MTIF2: variants seen among roughly 807,000 people sequenced by gnomAD.
MTIF2 encodes the protein translation initiation factor IF-2, mitochondrial.
Under a neutral mutation model 83.5 loss-of-function variants are expected in MTIF2, and 71 were observed. The ratio of observed to expected loss-of-function variants is 0.85; its 90% CI spans 0.70 to 1.04. The LOEUF is 1.04. Ranked by LOEUF, MTIF2 falls within the 50% of genes least tolerant of loss-of-function variation. MTIF2 has a pLI of 0.00. For missense variants in MTIF2, 957 were observed against 846.5 expected (o/e 1.13, Z -1.62); for synonymous variants, 319 against 287.1 (o/e 1.11, Z -1.12).
At chr2:55,259,752 C>T (rs1466115616) in intron 5 of MTIF2, among the ~76,000 whole-genome samples, 1 of 152,042 alleles carries the variant, frequency 6.6e-6, no homozygotes, top group Admixed American at 6.6e-5. Flanking sequence ...AAGACCAGCC[C>T]GGCCCACATA....
At position 55,237,371 on chromosome 2, in the gene MTIF2, A is replaced by G; in HGVS notation, c.1928T>C (p.Val643Ala). The change falls in exon 15 of 16, where the codon GTG becomes GCG. Residue 643 changes from valine to alanine, a missense_variant. Physicochemically the swap from Val to Ala is moderately conservative, Grantham distance 64. This residue lies in a region of MTIF2 where 221 missense variants were observed against 180.6 expected (regional missense o/e 1.22). Coordinates refer to ENST00000263629, the MANE Select transcript of MTIF2 (RefSeq NM_002453.3). The part of the protein sequence containing the change: ...SVTEGKKKVP[V>A]AGCRVQKGQL... ...TCCCTTTTGGACTCTGCAGCCAGCCACAGGAACTTTTTTCTTCCCTTCTGT... is the reference window on the plus strand; with the variant it reads ...TCCCTTTTGGACTCTGCAGCCAGCCGCAGGAACTTTTTTCTTCCCTTCTGT... 3 of 1,613,016 alleles carry G rather than the reference A, an allele frequency of 1.9e-6. No individual in the cohort carries two copies. The highest frequency in any genetic ancestry group is 2.5e-6 in the Non-Finnish European group (3 of 1,179,928).
chr2:55,237,586 T>C (rs1675954597), intron 14 of MTIF2, among the ~76,000 whole-genome samples, 158 bp from the exon 15 acceptor site: 1 of 152,034 alleles, frequency 6.6e-6, no homozygotes, highest in African/African-American at 2.4e-5. Context: ...TTTATTTTCC[T>C]GACCAATATT....
intron 8 of MTIF2, among the ~76,000 whole-genome samples, chr2:55,251,097 C>A (rs1255873859): frequency 9.1e-4 from 71 of 77,780 alleles, no homozygotes; most frequent in African/African-American, 3.9e-3. Flanking sequence ...GCAATAAGAG[C>A]AAAACTCCGT....
At position 55,243,548 on chromosome 2, in the gene MTIF2, G is replaced by C. The variant is rs778608709; in HGVS notation, c.1432C>G (p.Arg478Gly). 9.3e-6 allele frequency: 15 copies of C among 1,613,862 alleles called. No homozygotes were observed. The highest frequency in any genetic ancestry group is 1.7e-5 in the Admixed American group (1 of 59,966). Residue 478 changes from arginine (R) to glycine (G), a missense_variant, in exon 12 of 16, where the codon CGT becomes GGT. Coordinates refer to ENST00000263629, the MANE Select transcript of MTIF2 (RefSeq NM_002453.3). Reference sequence around the variant, plus strand: ...CACAGTAGATGGCCATACTTCTCACGGGCTTTCTGATGTGCTTCTTTGTGT... The same window carrying C: ...CACAGTAGATGGCCATACTTCTCACCGGCTTTCTGATGTGCTTCTTTGTGT... ...KEHKEAHQKA[R>G]EKYGHLLWKK...
intron 14 of MTIF2, among the ~76,000 whole-genome samples, chr2:55,238,482 C>G (rs979887172): frequency 8.6e-5 from 13 of 150,542 alleles, no homozygotes; most frequent in Non-Finnish European, 1.6e-4. Context: ...AACTCCGCCT[C>G]CTGGGTTCAA....
intron 3 of MTIF2, among the ~76,000 whole-genome samples, chr2:55,265,297 C>G (rs968009829): frequency 2.0e-5 from 3 of 149,948 alleles, no homozygotes; most frequent in South Asian, 2.1e-4. Flanking sequence ...GAAACATTTC[C>G]TAAGTACCAT....
intron 14 of MTIF2, among the ~76,000 whole-genome samples, chr2:55,238,843 A>C (rs1323940571): frequency 6.6e-6 from 1 of 152,102 alleles, no homozygotes; most frequent in African/African-American, 2.4e-5. Context: ...AACCCTCATG[A>C]CTCAGTTTTC....
Position 55,236,763 on chromosome 2 carries a change from A to C in MTIF2, c.2069T>G (p.Met690Arg). Residue 690 changes from methionine (M) to arginine (R), a missense_variant, in exon 16 of 16, where the codon ATG becomes AGG. Coordinates refer to ENST00000263629, the MANE Select transcript of MTIF2 (RefSeq NM_002453.3). ...KDDISIVKTG[M>R]DCGLSLDEDN... ...TTCATCTAAACTGAGACCACAATCC[A>C]TTCCCGTTTTGACAATTGAAATGTC... 1 of 1,611,098 alleles carries C rather than the reference A, an allele frequency of 6.2e-7. No homozygotes were observed. The highest frequency in any genetic ancestry group is 1.3e-5 in the African/African-American group (1 of 74,944).
In MTIF2 at chr2:55,251,127, A is replaced by G. The variant is rs892799390; in HGVS notation, c.841+1350T>C. ...CTCCGTCTCAAAAAAAAAAAAAAAA[A>G]AAAAAGAAAAGGAAAAAGTACATTC... On this transcript the variant is annotated intron_variant, in intron 8 of 15. Coordinates refer to ENST00000263629, the MANE Select transcript of MTIF2 (RefSeq NM_002453.3). 1.5e-3 allele frequency among the ~76,000 whole-genome samples: 231 copies of G among 151,696 alleles called. 2 individuals are homozygous for G. The Middle Eastern group carries it at 0.017, about 11-fold the overall frequency.
At chr2:55,248,034 G>A (rs1558561265) in intron 9 of MTIF2, among the ~76,000 whole-genome samples, 1 of 152,122 alleles carries the variant, frequency 6.6e-6, no homozygotes, top group Non-Finnish European at 1.5e-5. Context: ...AGGACGACAG[G>A]CACATGCCAC....
At chr2:55,255,584 T>C (rs1677453685) in intron 5 of MTIF2, among the ~76,000 whole-genome samples, 1 of 150,944 alleles carries the variant, frequency 6.6e-6, no homozygotes, top group Non-Finnish European at 1.5e-5. Flanking sequence ...CTGAGATGCA[T>C]ATTTTCTCTG....
chr2:55,236,966 C>T, intron 15 of MTIF2, 146 bp from the exon 16 acceptor site: 1 of 686,936 alleles, frequency 1.5e-6, no homozygotes, highest in Admixed American at 3.7e-5. Context: ...GACTAAATAC[C>T]AGGGGAACCC....
chr2:55,245,661 A>G lies in MTIF2; in HGVS notation c.1106+676T>C, dbSNP rs544872371. On this transcript the variant is annotated intron_variant, in intron 10 of 15. Transcript: ENST00000263629. ...TAAAATAGTTCAACACGTCTGTTGC[A>G]CAACAATGTGAATAAACTACAATAC... 1.1e-3 allele frequency among the ~76,000 whole-genome samples: 175 copies of G among 152,364 alleles called. 1 individual carries two copies. The highest frequency in any genetic ancestry group is 3.9e-3 in the African/African-American group (164 of 41,582).
intron 8 of MTIF2, among the ~76,000 whole-genome samples, chr2:55,251,107 T>C (rs1181081295): frequency 1.1e-4 from 7 of 64,762 alleles, no homozygotes; most frequent in African/African-American, 4.3e-4. Context: ...CAAAACTCCG[T>C]CTCAAAAAAA....
At chr2:55,256,700 C>A (rs1258004647) in intron 5 of MTIF2, among the ~76,000 whole-genome samples, 9 of 144,172 alleles carry the variant, frequency 6.2e-5, no homozygotes, top group African/African-American at 1.0e-4. Context: ...GACTCCATCT[C>A]AAAAAAAAAA....
intron 5 of MTIF2, among the ~76,000 whole-genome samples, chr2:55,259,110 T>A (rs2104437587): frequency 6.6e-6 from 1 of 152,288 alleles, no homozygotes; most frequent in East Asian, 1.9e-4. Context: ...CCCCTCTGTG[T>A]TAAATGCATA....
At chr2:55,256,414 A>T (rs1201949778) in intron 5 of MTIF2, among the ~76,000 whole-genome samples, 2 of 152,032 alleles carry the variant, frequency 1.3e-5, no homozygotes, top group African/African-American at 4.8e-5. Flanking sequence ...TTTTTATTTT[A>T]AAAAAATTTT....
chr2:55,238,887 CTG>C (rs1475189109), intron 14 of MTIF2, among the ~76,000 whole-genome samples: 1 of 152,182 alleles, frequency 6.6e-6, no homozygotes, highest in Admixed American at 6.5e-5. Flanking sequence ...ATAAAAATCT[CTG>C]TACGATCATG....
intron 7 of MTIF2, 40 bp downstream of exon 7, chr2:55,254,001 G>T (rs113795531): frequency 6.3e-7 from 1 of 1,599,862 alleles, no homozygotes; most frequent in Non-Finnish European, 8.5e-7. Context: ...GAAAATAAGT[G>T]GGGTTCCCAA....
Sources: gnomAD v4.1 joint callset for allele counts (sites outside exome capture counted in the v4.1 genomes callset) on GRCh38, gnomAD v4.1.1 for gene constraint, gnomAD v4.1.1 regional missense constraint, MANE v1.5 for transcripts, NCBI Gene and HGNC (gene_info 2026-07-23, HGNC 2026-07-21) for gene names.